The following GRID2 variants were observed in gnomAD, a reference collection of about 807,000 sequenced individuals.
The protein encoded by GRID2 is glutamate receptor ionotropic, delta-2.
A neutral mutation model predicts 114.8 loss-of-function variants in GRID2; 33 were observed. The observed-to-expected ratio is 0.29, with a 90% CI of 0.22 to 0.38. GRID2 has a LOEUF of 0.38. Ranked by LOEUF, GRID2 falls within the 10% of genes least tolerant of loss-of-function variation. GRID2 has a pLI of 1.00. For missense variants in GRID2, 1,184 were observed against 1,257.7 expected (o/e 0.94, Z 0.89); for synonymous variants, 505 against 449.9 (o/e 1.12, Z -1.55).
At chr4:92,478,500 T>C (rs1191639481) in intron 1 of GRID2, among the ~76,000 whole-genome samples, 1 of 152,162 alleles carries the variant, frequency 6.6e-6, no homozygotes, top group Non-Finnish European at 1.5e-5. Flanking sequence ...CATTTTTCTT[T>C]AGTGTCTTCC....
intron 2 of GRID2, among the ~76,000 whole-genome samples, chr4:92,904,891 T>C (rs1218953361): frequency 2.0e-5 from 3 of 152,050 alleles, no homozygotes; most frequent in African/African-American, 7.2e-5. Flanking sequence ...GCATGAATTC[T>C]GGTGGAAAGA....
At chr4:93,260,669 G>C (rs77414603) in intron 8 of GRID2, among the ~76,000 whole-genome samples, 1,546 of 151,852 alleles carry the variant, frequency 0.01, 12 homozygotes, top group Non-Finnish European at 0.016. Flanking sequence ...TATTATGGTA[G>C]TCATGAATGC....
At position 93,319,447 on chromosome 4, in the gene GRID2, G is replaced by A. The variant is rs554865088; in HGVS notation, c.1246-76160G>A. Among the ~76,000 whole-genome samples the A allele has an allele frequency of 4.6e-5, 7 of 152,094 alleles. No individual in the cohort carries two copies. In the East Asian group the frequency reaches 1.4e-3, roughly 29 times the overall value. On this transcript the variant is annotated intron_variant, in intron 8 of 15. Transcript: ENST00000282020. ...AAATTGTAAACTGTTTTGGTAGGGA[G>A]AATTCTAAGATGACCTCCATGACAC... is the stretch of plus-strand genomic sequence containing the variant.
intron 14 of GRID2, among the ~76,000 whole-genome samples, chr4:93,692,220 TTAGAA>T (rs1244397695): frequency 1.3e-5 from 2 of 151,874 alleles, no homozygotes; most frequent in African/African-American, 4.8e-5. Flanking sequence ...GGTTGCAAAT[TTAGAA>T]TAGAGTTTAG....
chr4:93,690,620 C>G (rs1040319495), intron 14 of GRID2, among the ~76,000 whole-genome samples: 1 of 151,710 alleles, frequency 6.6e-6, no homozygotes, highest in Admixed American at 6.6e-5. Context: ...AGAAATATTT[C>G]TCATCACAAA....
At chr4:93,390,180 T>C (rs1217601092) in intron 8 of GRID2, among the ~76,000 whole-genome samples, 1 of 152,228 alleles carries the variant, frequency 6.6e-6, no homozygotes, top group Non-Finnish European at 1.5e-5. Context: ...TTGGTTATAC[T>C]CCTGGGGATT....
At chr4:92,575,229 G>A (rs1439114453) in intron 1 of GRID2, among the ~76,000 whole-genome samples, 1 of 152,144 alleles carries the variant, frequency 6.6e-6, no homozygotes, top group Non-Finnish European at 1.5e-5. Flanking sequence ...TTACCATCAT[G>A]CTTAGGTTAT....
intron 3 of GRID2, among the ~76,000 whole-genome samples, chr4:93,105,068 G>A (rs1164584286): frequency 6.6e-6 from 1 of 152,042 alleles, no homozygotes; most frequent in Admixed American, 6.6e-5. Context: ...GTGATGATGA[G>A]CATTTTTTCA....
At chr4:93,331,111 G>A (rs1012917329) in intron 8 of GRID2, among the ~76,000 whole-genome samples, 4 of 150,722 alleles carry the variant, frequency 2.7e-5, no homozygotes, top group Non-Finnish European at 5.9e-5. Context: ...CAGCCTCAGT[G>A]CCTGCTGCTA....
chr4:93,369,999 A>T (rs1453693417), intron 8 of GRID2, among the ~76,000 whole-genome samples: 1 of 152,090 alleles, frequency 6.6e-6, no homozygotes, highest in Non-Finnish European at 1.5e-5. Context: ...AGATCTCCCC[A>T]GTTTGGCACT....
intron 2 of GRID2, among the ~76,000 whole-genome samples, chr4:92,660,716 C>T (rs1280449698): frequency 6.6e-6 from 1 of 151,094 alleles, no homozygotes; most frequent in African/African-American, 2.4e-5. Context: ...TATATAAATA[C>T]ATTCATTTCC....
At chr4:92,971,292 C>T (rs1753498633) in intron 2 of GRID2, among the ~76,000 whole-genome samples, 1 of 151,930 alleles carries the variant, frequency 6.6e-6, no homozygotes, top group Non-Finnish European at 1.5e-5. Flanking sequence ...GACATAGGCA[C>T]TTTATACAAA....
At chr4:92,873,071 A>C (rs1264422559) in intron 2 of GRID2, among the ~76,000 whole-genome samples, 1 of 152,220 alleles carries the variant, frequency 6.6e-6, no homozygotes, top group African/African-American at 2.4e-5. Context: ...GAGTATAAGA[A>C]TAAAGAAATT....
chr4:93,623,696 G>A (rs1742424894), intron 13 of GRID2, among the ~76,000 whole-genome samples: 1 of 152,110 alleles, frequency 6.6e-6, no homozygotes. Context: ...TTTAAAAACA[G>A]TAAACTTTTG....
intron 8 of GRID2, among the ~76,000 whole-genome samples, chr4:93,241,620 C>T (rs1747522696): frequency 6.6e-6 from 1 of 151,706 alleles, no homozygotes; most frequent in South Asian, 2.1e-4. Flanking sequence ...TTGCCTAAAG[C>T]TGTCCTTTCT....
At chr4:92,940,796 A>G (rs1443467601) in intron 2 of GRID2, among the ~76,000 whole-genome samples, 1 of 152,200 alleles carries the variant, frequency 6.6e-6, no homozygotes, top group Middle Eastern at 3.4e-3. Context: ...GAATTTTGTC[A>G]AAGGCCTTTT....
At chr4:93,093,008 A>G (rs1730915755) in intron 3 of GRID2, among the ~76,000 whole-genome samples, 1 of 151,992 alleles carries the variant, frequency 6.6e-6, no homozygotes, top group African/African-American at 2.4e-5. Context: ...GCAAACTACA[A>G]CGAACACTTT....
At chr4:93,223,676 AT>A (rs998326236) in intron 6 of GRID2, among the ~76,000 whole-genome samples, 6 of 151,994 alleles carry the variant, frequency 3.9e-5, no homozygotes, top group East Asian at 1.9e-4. Context: ...TTGATTCCTC[AT>A]TTTTTTTATT....
intron 8 of GRID2, among the ~76,000 whole-genome samples, chr4:93,375,542 T>C (rs1283665295): frequency 6.6e-6 from 1 of 152,036 alleles, no homozygotes; most frequent in African/African-American, 2.4e-5. Flanking sequence ...TGTGTAGGTC[T>C]CTGGAATGTA....
Sources: allele counts gnomAD v4.1 joint callset (sites outside exome capture counted in the v4.1 genomes callset), GRCh38; gene constraint gnomAD v4.1.1; transcripts MANE v1.5; gene names NCBI Gene and HGNC (gene_info 2026-07-23, HGNC 2026-07-21).